SUCLG2: variants seen among roughly 807,000 people sequenced by gnomAD.
SUCLG2 encodes succinate--CoA ligase [GDP-forming] subunit beta, mitochondrial.
In SUCLG2, 42 loss-of-function variants were observed where a neutral mutation model predicts 47.9. That is an observed-to-expected ratio of 0.88 (90% CI 0.69 to 1.14). The LOEUF (loss-of-function observed/expected upper bound fraction) is 1.14. Ranked by LOEUF, SUCLG2 falls within the 50% of genes most tolerant of loss-of-function variation. SUCLG2 has a pLI of 0.00. For missense variants in SUCLG2, 571 were observed against 525.9 expected (o/e 1.09, Z -0.84); for synonymous variants, 195 against 197.3 (o/e 0.99, Z 0.10).
At chr3:67,393,531 G>T (rs2106795740) in intron 10 of SUCLG2, among the ~76,000 whole-genome samples, 1 of 152,300 alleles carries the variant, frequency 6.6e-6, no homozygotes, top group African/African-American at 2.4e-5. Flanking sequence ...GCTCGAACTG[G>T]GTGGAACCCA....
chr3:67,467,264 C>A (rs1043015808), intron 9 of SUCLG2, among the ~76,000 whole-genome samples: 5 of 152,204 alleles, frequency 3.3e-5, no homozygotes, highest in African/African-American at 1.2e-4. Context: ...TACAATCTCT[C>A]ATACATCAAA....
At chr3:67,605,236 C>A (rs952405632) in intron 2 of SUCLG2, among the ~76,000 whole-genome samples, 2 of 152,186 alleles carry the variant, frequency 1.3e-5, no homozygotes, top group Non-Finnish European at 2.9e-5. Context: ...AACCTCAAAT[C>A]TATTTGCTAA....
chr3:67,552,686 T>C lies in SUCLG2; in HGVS notation c.227-23500A>G, dbSNP rs6787206. Among the ~76,000 whole-genome samples, 157 of 152,226 alleles carry C rather than the reference T, an allele frequency of 1.0e-3. 1 individual carries two copies. Among genetic ancestry groups the C allele is most frequent in the Non-Finnish European group, 2.1e-3 (142 of 68,046 alleles). On this transcript the variant is annotated intron_variant, in intron 2 of 10. Coordinates refer to ENST00000307227, the MANE Select transcript of SUCLG2 (RefSeq NM_003848.4). Reference sequence around the variant, plus strand: ...TCACTTAACCTCCATAAACCTCAGTTTCTTCATCTGCAAAACAGAGTATAA... The same window carrying C: ...TCACTTAACCTCCATAAACCTCAGTCTCTTCATCTGCAAAACAGAGTATAA...
At chr3:67,616,630 G>A (rs1014113117) in intron 1 of SUCLG2, among the ~76,000 whole-genome samples, 1 of 152,106 alleles carries the variant, frequency 6.6e-6, no homozygotes, top group Non-Finnish European at 1.5e-5. Flanking sequence ...AAGCAACATT[G>A]AGAAAAAGAA....
At chr3:67,550,183 A>G (rs1188699915) in intron 2 of SUCLG2, among the ~76,000 whole-genome samples, 3 of 152,196 alleles carry the variant, frequency 2.0e-5, no homozygotes, top group African/African-American at 7.2e-5. Flanking sequence ...TGCGGGTAAC[A>G]TGATTGGTCT....
chr3:67,487,857 G>C (rs374993784), intron 9 of SUCLG2, among the ~76,000 whole-genome samples: 8 of 152,110 alleles, frequency 5.3e-5, no homozygotes, highest in Non-Finnish European at 1.0e-4. Flanking sequence ...AATAATCCCA[G>C]CTTTATGTAA....
intron 10 of SUCLG2, among the ~76,000 whole-genome samples, chr3:67,363,760 AAG>A: frequency 6.6e-6 from 1 of 152,148 alleles, no homozygotes; most frequent in East Asian, 1.9e-4. Flanking sequence ...AAACAGATCA[AAG>A]AGAGAACAAT....
At chr3:67,495,999 A>G (rs1170484652) in intron 8 of SUCLG2, 59 bp from the exon 9 acceptor site, 31 of 1,603,192 alleles carry the variant, frequency 1.9e-5, no homozygotes, top group South Asian at 1.0e-4. Context: ...AATGGTCCAT[A>G]AACATTTTCC....
At chr3:67,491,837 G>A (rs2107048203) in intron 9 of SUCLG2, among the ~76,000 whole-genome samples, 1 of 152,280 alleles carries the variant, frequency 6.6e-6, no homozygotes, top group Non-Finnish European at 1.5e-5. Flanking sequence ...TGAAAAGTGT[G>A]CGTGTGTGTC....
At position 67,564,376 on chromosome 3, in the gene SUCLG2, G is replaced by C. The variant is rs572823246; in HGVS notation, c.227-35190C>G. ...TTACCTCACACTTTACCTTGACTTA[G>C]ACTTTCAGCAACCTGCAAAGTAATC... On this transcript the variant is annotated intron_variant, in intron 2 of 10. Coordinates refer to ENST00000307227, the MANE Select transcript of SUCLG2 (RefSeq NM_003848.4). Among the ~76,000 whole-genome samples, 4 of 151,836 alleles carry C rather than the reference G, an allele frequency of 2.6e-5. No homozygotes were observed. In the South Asian group the frequency reaches 8.3e-4, roughly 32 times the overall value.
chr3:67,634,655 A>C (rs1031108971), intron 1 of SUCLG2, among the ~76,000 whole-genome samples: 1 of 152,158 alleles, frequency 6.6e-6, no homozygotes, highest in African/African-American at 2.4e-5. Context: ...GTCACTATTT[A>C]TCTCTTTAAC....
At chr3:67,532,033 T>C (rs753802265) in intron 2 of SUCLG2, among the ~76,000 whole-genome samples, 1 of 152,332 alleles carries the variant, frequency 6.6e-6, no homozygotes, top group South Asian at 2.1e-4. Flanking sequence ...AAATCCCATA[T>C]ATGAAATGCA....
At chr3:67,458,124 C>T (rs906182137) in intron 9 of SUCLG2, among the ~76,000 whole-genome samples, 25 of 152,234 alleles carry the variant, frequency 1.6e-4, no homozygotes, top group African/African-American at 4.3e-4. Flanking sequence ...GGAAGAGGCC[C>T]GCCTTCCCAG....
At chr3:67,521,318 A>G (rs776609005) in intron 4 of SUCLG2, among the ~76,000 whole-genome samples, 10 of 152,036 alleles carry the variant, frequency 6.6e-5, no homozygotes, top group Admixed American at 2.0e-4. Flanking sequence ...AGAAAAAGGC[A>G]CCCCTTCCTC....
chr3:67,488,153 T>C (rs981715444), intron 9 of SUCLG2, among the ~76,000 whole-genome samples: 1 of 151,960 alleles, frequency 6.6e-6, no homozygotes, highest in Non-Finnish European at 1.5e-5. Flanking sequence ...AATATATCTG[T>C]GTAATCTATT....
chr3:67,470,597 C>A (rs1308170462), intron 9 of SUCLG2, among the ~76,000 whole-genome samples: 1 of 152,140 alleles, frequency 6.6e-6, no homozygotes, highest in African/African-American at 2.4e-5. Flanking sequence ...ATAAGTTCAG[C>A]CCCCATTTTC....
chr3:67,531,661 C>T (rs1479405010), intron 2 of SUCLG2, among the ~76,000 whole-genome samples: 1 of 152,132 alleles, frequency 6.6e-6, no homozygotes, highest in Non-Finnish European at 1.5e-5. Context: ...GCAACATACA[C>T]CCCAGGCCAA....
intron 1 of SUCLG2, among the ~76,000 whole-genome samples, chr3:67,646,092 A>G (rs1172444729): frequency 7.7e-5 from 1 of 12,910 alleles, no homozygotes; most frequent in Non-Finnish European, 1.6e-4. Context: ...AGGGGAGGGC[A>G]GGGGAGGGGA....
chr3:67,446,483 T>A (rs1317675088), intron 9 of SUCLG2, among the ~76,000 whole-genome samples: 1 of 134,826 alleles, frequency 7.4e-6, no homozygotes, highest in Non-Finnish European at 1.5e-5. Flanking sequence ...CAGGCTGGAA[T>A]GCAGTTGTAT....
Sources: allele counts gnomAD v4.1 joint callset (sites outside exome capture counted in the v4.1 genomes callset), GRCh38; gene constraint gnomAD v4.1.1; transcripts MANE v1.5; gene names NCBI Gene and HGNC (gene_info 2026-07-23, HGNC 2026-07-21).